DSCAM: variants seen among roughly 807,000 people sequenced by gnomAD.
The protein encoded by DSCAM is cell adhesion molecule DSCAM.
DSCAM carries 47 observed loss-of-function variants against 217.7 expected under a neutral mutation model. The observed-to-expected ratio is 0.22, with a 90% CI of 0.17 to 0.28. The LOEUF is 0.28. DSCAM is among the 10% of genes least tolerant of loss of function. DSCAM has a pLI of 1.00. For synonymous variants in DSCAM, 1,056 were observed against 1,015.3 expected, an observed-to-expected ratio of 1.04 and a Z score of -0.76; for missense variants, 2,080 against 2,618.3, an observed-to-expected ratio of 0.79 and a Z score of 4.49.
intron 2 of DSCAM, among the ~76,000 whole-genome samples, chr21:40,701,642 C>T (rs1212275539): frequency 1.3e-5 from 2 of 151,498 alleles, no homozygotes; most frequent in African/African-American, 4.9e-5. Flanking sequence ...GTTGAAAAAA[C>T]TTTCTAATTT....
intron 29 of DSCAM, among the ~76,000 whole-genome samples, chr21:40,054,035 A>G: frequency 6.6e-6 from 1 of 152,254 alleles, no homozygotes; most frequent in East Asian, 1.9e-4. Flanking sequence ...AATAATGCAT[A>G]TAAATGGCTT....
chr21:40,266,643 A>ATATATATATATATATTTATT (rs1214824016), intron 11 of DSCAM, among the ~76,000 whole-genome samples: 1 of 113,060 alleles, frequency 8.8e-6, no homozygotes, highest in African/African-American at 4.3e-5. Context: ...TTTTATATAT[A>ATATATATATATATATTTATT]TATATATATA....
At chr21:40,528,971 T>A (rs2146104305) in intron 3 of DSCAM, among the ~76,000 whole-genome samples, 1 of 143,728 alleles carries the variant, frequency 7.0e-6, no homozygotes, top group Admixed American at 7.4e-5. Flanking sequence ...TGGTGCAATC[T>A]CGGCTCACTG....
chr21:40,378,089 A>G (rs755479263), intron 3 of DSCAM, among the ~76,000 whole-genome samples: 3 of 152,230 alleles, frequency 2.0e-5, no homozygotes, highest in Non-Finnish European at 2.9e-5. Flanking sequence ...AGAACACTCC[A>G]CGTCATTACC....
chr21:40,439,352 G>T (rs772099260), intron 3 of DSCAM, among the ~76,000 whole-genome samples: 21 of 152,212 alleles, frequency 1.4e-4, no homozygotes, highest in Non-Finnish European at 2.6e-4. Flanking sequence ...ATCAGGCCTG[G>T]ATCCCACTGT....
At chr21:40,739,206 C>T (rs1176685986) in intron 1 of DSCAM, among the ~76,000 whole-genome samples, 3 of 151,922 alleles carry the variant, frequency 2.0e-5, no homozygotes, top group Non-Finnish European at 4.4e-5. Context: ...CCTAGACAGG[C>T]GACAAGAGGA....
At chr21:40,085,288 G>A (rs1014411768) in intron 23 of DSCAM, among the ~76,000 whole-genome samples, 1 of 152,256 alleles carries the variant, frequency 6.6e-6, no homozygotes, top group East Asian at 1.9e-4. Context: ...TATATGTAGA[G>A]TAAACAGTGC....
rs552627533 is a variant in DSCAM at position 40,144,861 on chromosome 21, G to A, written c.3019-130C>T. ...GCCACGATGCTGGGGCGGTGGTCCG[G>A]TAGCAGCCGCAAACCCACGTACAGT... On this transcript the variant is annotated intron_variant, in intron 16 of 32. Coordinates refer to ENST00000400454, the MANE Select transcript of DSCAM (RefSeq NM_001389.5). The surrounding 1 kb of genome is among the most constrained non-coding windows in gnomAD (Gnocchi z 4.8). 157 of 1,357,032 alleles carry A rather than the reference G, an allele frequency of 1.2e-4. No individual in the cohort carries two copies. Among genetic ancestry groups the A allele is most frequent in the Admixed American group, 3.5e-4 (17 of 48,466 alleles). 84.1% of individuals were successfully genotyped at this position (1,357,032 alleles called of 1,614,324 possible). A position where few individuals can be genotyped will look rare whatever the true frequency, so the allele number is the denominator to read the frequency against.
intron 8 of DSCAM, among the ~76,000 whole-genome samples, chr21:40,331,281 A>T (rs1020995611): frequency 7.2e-5 from 11 of 152,180 alleles, no homozygotes; most frequent in Non-Finnish European, 1.5e-5. Flanking sequence ...TGAAAGCAGG[A>T]GTGGGGAAAC....
chr21:40,580,892 A>G (rs2076900185), intron 3 of DSCAM, among the ~76,000 whole-genome samples: 1 of 152,226 alleles, frequency 6.6e-6, no homozygotes, highest in South Asian at 2.1e-4. Context: ...GTTTAAATGC[A>G]TTTCTTTTTT....
At chr21:40,772,453 G>A (rs2091453472) in intron 1 of DSCAM, among the ~76,000 whole-genome samples, 1 of 152,216 alleles carries the variant, frequency 6.6e-6, no homozygotes, top group South Asian at 2.1e-4. Flanking sequence ...ATAGGCATAA[G>A]CCACTGTGCC....
intron 3 of DSCAM, chr21:40,618,598 G>A (rs1018127673): frequency 4.0e-5 from 6 of 151,742 alleles, no homozygotes; most frequent in African/African-American, 1.2e-4. Context: ...AAAGTCAGAG[G>A]GTAGATATAA....
intron 9 of DSCAM, among the ~76,000 whole-genome samples, chr21:40,296,700 G>A (rs370250878): frequency 1.4e-4 from 21 of 151,788 alleles, no homozygotes; most frequent in African/African-American, 3.6e-4. Flanking sequence ...GTGTGGTGGC[G>A]CATGCCTGTA....
chr21:40,364,444 C>T (rs1293466895), intron 4 of DSCAM, among the ~76,000 whole-genome samples: 19 of 148,758 alleles, frequency 1.3e-4, no homozygotes, highest in East Asian at 2.0e-4. Context: ...AACCAAACAC[C>T]GCATGTTCTC....
At chr21:40,185,147 G>C (rs2090879735) in intron 14 of DSCAM, among the ~76,000 whole-genome samples, 1 of 152,164 alleles carries the variant, frequency 6.6e-6, no homozygotes, top group African/African-American at 2.4e-5. Context: ...TAATCATAGA[G>C]ATACATATAT....
intron 1 of DSCAM, among the ~76,000 whole-genome samples, chr21:40,779,032 GAAAAAAAA>G (rs772208075): frequency 1.3e-4 from 6 of 45,548 alleles, no homozygotes; most frequent in South Asian, 1.3e-3. Flanking sequence ...CTCAAAAACA[GAAAAAAAA>G]AAAAAAAAAA....
chr21:40,021,464 C>T (rs1284604667), intron 32 of DSCAM, among the ~76,000 whole-genome samples: 1 of 152,138 alleles, frequency 6.6e-6, no homozygotes, highest in African/African-American at 2.4e-5. Flanking sequence ...CCATCCATCA[C>T]TGGGGCACCC....
At chr21:40,088,905 A>G (rs184758606) in intron 21 of DSCAM, among the ~76,000 whole-genome samples, 10 of 152,348 alleles carry the variant, frequency 6.6e-5, no homozygotes, top group African/African-American at 2.2e-4. Flanking sequence ...GATGTTGTGT[A>G]TGTGCAAACA....
chr21:40,608,875 C>A (rs1391650596), intron 3 of DSCAM, among the ~76,000 whole-genome samples: 5 of 152,176 alleles, frequency 3.3e-5, no homozygotes. Context: ...GGAGCTACCA[C>A]TCGTTTTCAC....
Sources: allele counts gnomAD v4.1 joint callset (sites outside exome capture counted in the v4.1 genomes callset), GRCh38; gene constraint gnomAD v4.1.1; non-coding constraint Gnocchi (gnomAD v3.1); transcripts MANE v1.5; gene names NCBI Gene and HGNC (gene_info 2026-07-23, HGNC 2026-07-21).